Variants in NBPF14 observed in about 807,000 individuals in gnomAD.
NBPF14 encodes NBPF family member NBPF14.
A neutral mutation model predicts 91.2 loss-of-function variants in NBPF14; 104 were observed. The ratio of observed to expected loss-of-function variants is 1.14; its 90% CI spans 0.97 to 1.34. NBPF14 has a LOEUF of 1.34. Among genes scored for constraint, NBPF14 ranks in the 40% most tolerant of loss-of-function variants. The pLI is 0.00. For synonymous variants in NBPF14, 294 were observed against 303.8 expected (o/e 0.97, Z 0.34); for missense variants, 908 against 783.0 (o/e 1.16, Z -1.91).
At position 148,534,875 on chromosome 1, in the gene NBPF14, G is replaced by C. The variant is rs1414210308; in HGVS notation, c.8442-19C>G. The stretch of plus-strand genomic sequence containing the variant: ...GCTGAGCCTGGAAAAGTAGGAAAAA[G>C]TAAAGAATAAGCCAGGGGGAATCAG... On this transcript the variant is annotated intron_variant, in intron 68 of 70. Coordinates refer to ENST00000619423, the Ensembl canonical transcript of NBPF14. 3.7e-6 allele frequency: 3 copies of C among 801,408 alleles called. No homozygotes were observed. Among genetic ancestry groups the C allele is most frequent in the Non-Finnish European group, 6.6e-6 (3 of 454,910 alleles). The allele number at this position is 801,408 out of a possible 1,614,324, so 49.6% of individuals were successfully genotyped here.
chr1:148,587,370 A>G, exon 8 of NBPF14: 1 of 1,582,628 alleles, frequency 6.3e-7, no homozygotes, highest in Non-Finnish European at 8.6e-7. Flanking sequence ...ATTCCTCAGC[A>G]TAAATTTTAT....
intron 69 of NBPF14, 95 bp downstream of exon 69, chr1:148,534,589 A>C (rs1301580684): frequency 1.6e-5 from 14 of 849,456 alleles, no homozygotes; most frequent in African/African-American, 8.6e-5. Flanking sequence ...CGGCAATGAC[A>C]TCTCTCGGGT....
exon 39 of NBPF14, chr1:148,558,339 G>C: frequency 1.8e-5 from 1 of 55,934 alleles, no homozygotes; most frequent in Non-Finnish European, 2.8e-5. Context: ...GGCAGTTCAA[G>C]ATAACCTGAA....
Position 148,559,403 on chromosome 1 carries a change from C to A in NBPF14, c.4730-331G>T, listed in dbSNP as rs1169050975. Among the ~76,000 whole-genome samples, 18 of 133,598 alleles carry A rather than the reference C, an allele frequency of 1.3e-4. No individual in the cohort carries two copies. In the East Asian group the frequency reaches 3.9e-3, roughly 29 times the overall value. The allele number at this position is 133,598 out of a possible 152,430, so 87.6% of individuals were successfully genotyped here. Reference sequence around the variant, plus strand: ...TTGCTAGGAGAAAAACTGCACTATTCACCCTGTCTCATCAAATACTCAGAT... The same window carrying A: ...TTGCTAGGAGAAAAACTGCACTATTAACCCTGTCTCATCAAATACTCAGAT... On this transcript the variant is annotated intron_variant, in intron 37 of 70. Coordinates refer to ENST00000619423, the Ensembl canonical transcript of NBPF14.
chr1:148,586,905 C>T (rs1236962234), intron 8 of NBPF14, among the ~76,000 whole-genome samples: 1 of 142,768 alleles, frequency 7.0e-6, no homozygotes, highest in Non-Finnish European at 1.6e-5. Context: ...ATGACAGGGT[C>T]GAGGAGGCAA....
At chr1:148,577,461 G>A (rs1463526158) in intron 14 of NBPF14, 106 bp from the exon 15 acceptor site, 4 of 688,808 alleles carry the variant, frequency 5.8e-6, no homozygotes, top group Non-Finnish European at 8.0e-6. Context: ...AAAGAAAAAG[G>A]ACAGATCCAT....
intron 39 of NBPF14, among the ~76,000 whole-genome samples, chr1:148,557,789 A>C (rs1396652065): frequency 1.7e-5 from 2 of 115,838 alleles, no homozygotes; most frequent in Admixed American, 8.7e-5. Context: ...AAGTTTGTGC[A>C]AACAGTTATG....
intron 16 of NBPF14, 110 bp downstream of exon 16, chr1:148,576,300 T>A: frequency 2.0e-6 from 1 of 494,732 alleles, no homozygotes; most frequent in Non-Finnish European, 3.5e-6. Context: ...TCAGTAGGAG[T>A]AATTCAACCT....
chr1:148,578,923 A>G (rs1660499999), intron 13 of NBPF14, among the ~76,000 whole-genome samples, 151 bp downstream of exon 13: 1 of 145,600 alleles, frequency 6.9e-6, no homozygotes, highest in African/African-American at 2.5e-5. Context: ...TTCAGACTTG[A>G]CTCCAGAGTG....
exon 13 of NBPF14, chr1:148,579,205 G>C: frequency 5.0e-6 from 2 of 403,948 alleles, no homozygotes; most frequent in Non-Finnish European, 8.4e-6. Context: ...GGACTCCTGG[G>C]GGACTTCCTC....
chr1:148,534,610 C>G (rs1654670320), intron 69 of NBPF14, 74 bp downstream of exon 69: 3 of 908,170 alleles, frequency 3.3e-6, no homozygotes, highest in East Asian at 2.4e-5. Flanking sequence ...GAGTAAGGGC[C>G]ACTTGGAATA....
chr1:148,586,017 G>C (rs1393254459), intron 9 of NBPF14, among the ~76,000 whole-genome samples: 1 of 151,868 alleles, frequency 6.6e-6, no homozygotes, highest in Non-Finnish European at 1.5e-5. Flanking sequence ...GACAGATGCT[G>C]CCTCTTGCTC....
chr1:148,561,980 T>A (rs1409401836), intron 34 of NBPF14, among the ~76,000 whole-genome samples: 3 of 69,866 alleles, frequency 4.3e-5, no homozygotes, highest in Non-Finnish European at 7.0e-5. Flanking sequence ...TAAAATGTGC[T>A]CAAGTTTCCA....
At chr1:148,533,721 C>T (rs1306860753) in intron 70 of NBPF14, 140 bp downstream of exon 70, 1 of 725,742 alleles carries the variant, frequency 1.4e-6, no homozygotes, top group Non-Finnish European at 2.5e-6. Flanking sequence ...ACATCTACTG[C>T]AATGAAAACC....
chr1:148,587,226 G>T lies in NBPF14; in HGVS notation c.1091+75C>A, dbSNP rs1364814713. ...TCCCCTGGCCCAGCTGAGCTCTTAC[G>T]TCTCCCCACTGAGCTGCTGTACTTC... On this transcript the variant is annotated intron_variant, in intron 8 of 70. Transcript: ENST00000619423. 61 of 1,302,328 alleles carry T rather than the reference G, an allele frequency of 4.7e-5. 4 individuals carry two copies. Among genetic ancestry groups the T allele is most frequent in the Non-Finnish European group, 6.2e-5 (56 of 905,914 alleles). The allele number at this position is 1,302,328 out of a possible 1,614,324, so 80.7% of individuals were successfully genotyped here.
intron 38 of NBPF14, 132 bp downstream of exon 38, chr1:148,558,889 C>T: frequency 4.0e-6 from 1 of 246,972 alleles, no homozygotes; most frequent in Middle Eastern, 1.3e-3. Context: ...GCAATGAAAA[C>T]CAACAGCAAT....
In NBPF14 at chr1:148,590,291, T is replaced by A. The variant is rs1393516880; in HGVS notation, c.778+466A>T. Among the ~76,000 whole-genome samples, 25 of 141,358 alleles carry A rather than the reference T, an allele frequency of 1.8e-4. 2 individuals carry two copies. The highest frequency in any genetic ancestry group is 3.1e-4 in the Non-Finnish European group (20 of 63,766). 92.7% of individuals were successfully genotyped at this position (141,358 alleles called of 152,430 possible). On this transcript the variant is annotated intron_variant, in intron 6 of 70. Transcript: ENST00000619423. ...CCAGGATGGTCTCAATCTCCTGACC[T>A]CATGATCCACCCGCCTCGGCCTCCC...
Position 148,559,830 on chromosome 1 carries a change from C to A in NBPF14, c.4692G>T (p.Leu1564Phe), listed in dbSNP as rs1315753176. Residue 1564 changes from leucine (L) to phenylalanine (F), a missense_variant, in exon 37 of 71, where the codon TTG (leucine) becomes TTT (phenylalanine). Physicochemically the swap from Leu to Phe is conservative, Grantham distance 22. Transcript: ENST00000619423. ...CAGCCAAGCCAACACGCTGCTGCTCCAATATGTAAAAGGCACTTCTATAGG... is the reference window on the plus strand; with the variant it reads ...CAGCCAAGCCAACACGCTGCTGCTCAAATATGTAAAAGGCACTTCTATAGG... 4.6e-6 allele frequency: 7 copies of A among 1,534,754 alleles called. 2 individuals are homozygous for A. The African/African-American group carries it at 1.1e-4, about 25-fold the overall frequency.
chr1:148,572,645 G>A (rs1281112983), intron 20 of NBPF14, 30 bp from the exon 21 acceptor site: 1 of 624,238 alleles, frequency 1.6e-6, no homozygotes, highest in Non-Finnish European at 2.8e-6. Context: ...TAAAGAATAA[G>A]CCAGGGGGAA....
Sources: gnomAD v4.1 joint callset for allele counts (sites outside exome capture counted in the v4.1 genomes callset) on GRCh38, gnomAD v4.1.1 for gene constraint, MANE v1.5 for transcripts, NCBI Gene and HGNC (gene_info 2026-07-23, HGNC 2026-07-21) for gene names.